Variants in XKR4 observed in about 807,000 individuals in gnomAD.
XKR4 encodes the protein XK related 4.
XKR4 carries 12 observed loss-of-function variants against 53.9 expected under a neutral mutation model. The observed-to-expected ratio is 0.22, with a 90% CI of 0.14 to 0.36. The LOEUF (loss-of-function observed/expected upper bound fraction) is 0.36, where lower values mean the gene tolerates loss of function less well. XKR4 is among the 10% of genes least tolerant of loss of function. XKR4 has a pLI of 1.00. For missense variants in XKR4, 799 were observed against 859.5 expected, an observed-to-expected ratio of 0.93 and a Z score of 0.88; for synonymous variants, 354 against 362.4, an observed-to-expected ratio of 0.98 and a Z score of 0.26.
At chr8:55,131,798 T>G (rs1235232574) in intron 1 of XKR4, among the ~76,000 whole-genome samples, 1 of 151,636 alleles carries the variant, frequency 6.6e-6, no homozygotes, top group South Asian at 2.1e-4. Flanking sequence ...CAGGCTGGAG[T>G]GCAGTGGTAT....
At chr8:55,182,881 A>G (rs560195242) in intron 1 of XKR4, among the ~76,000 whole-genome samples, 1 of 147,916 alleles carries the variant, frequency 6.8e-6, no homozygotes, top group Non-Finnish European at 1.5e-5. Flanking sequence ...TTTGGGAAAA[A>G]TTGAGGTCCT....
chr8:55,295,498 A>G (rs116732667), intron 1 of XKR4, among the ~76,000 whole-genome samples: 3 of 152,352 alleles, frequency 2.0e-5, no homozygotes, highest in African/African-American at 7.2e-5. Context: ...AGGGACAAAG[A>G]AATAACAACA....
intron 2 of XKR4, among the ~76,000 whole-genome samples, chr8:55,366,147 TCTC>T (rs1803982412): frequency 6.6e-6 from 1 of 152,016 alleles, no homozygotes; most frequent in Non-Finnish European, 1.5e-5. Flanking sequence ...GAAAGTCTCT[TCTC>T]CTCTCCTCCT....
At chr8:55,119,634 AT>A (rs1375879949) in intron 1 of XKR4, among the ~76,000 whole-genome samples, 1 of 152,226 alleles carries the variant, frequency 6.6e-6, no homozygotes, top group African/African-American at 2.4e-5. Context: ...ACACTCAGAC[AT>A]GTATTTTCAA....
chr8:55,240,211 A>T (rs1585960415), intron 1 of XKR4, among the ~76,000 whole-genome samples: 1 of 152,198 alleles, frequency 6.6e-6, no homozygotes, highest in East Asian at 1.9e-4. Flanking sequence ...AGCCAATTAG[A>T]ATACATTTAT....
At chr8:55,353,217 T>C (rs1803750491) in intron 1 of XKR4, among the ~76,000 whole-genome samples, 1 of 152,224 alleles carries the variant, frequency 6.6e-6, no homozygotes, top group Admixed American at 6.5e-5. Flanking sequence ...CCTAACCTCA[T>C]ACCTGTGAAT....
Position 55,430,800 on chromosome 8 carries a change from T to C in XKR4, c.1006+72923T>C, listed in dbSNP as rs537301276. 3.9e-5 allele frequency among the ~76,000 whole-genome samples: 6 copies of C among 152,326 alleles called. No homozygotes were observed. In the South Asian group the frequency reaches 1.2e-3, roughly 32 times the overall value. On this transcript the variant is annotated intron_variant, in intron 2 of 2. Transcript: ENST00000327381. ...TGGCTTGTAGCTGCCTGTCTTCTGG[T>C]GTCTTCACATGTCTTCATTCTGTAT... is the stretch of plus-strand genomic sequence containing the variant.
At chr8:55,366,407 C>A (rs1168710347) in intron 2 of XKR4, among the ~76,000 whole-genome samples, 4 of 152,208 alleles carry the variant, frequency 2.6e-5, no homozygotes, top group Admixed American at 6.5e-5. Context: ...GAGACAAAAG[C>A]AGGCGCTCTA....
intron 2 of XKR4, among the ~76,000 whole-genome samples, chr8:55,441,167 G>A (rs989922557): frequency 6.6e-6 from 1 of 152,128 alleles, no homozygotes; most frequent in Non-Finnish European, 1.5e-5. Flanking sequence ...TTAAGCTTGG[G>A]AGGTTGAGGA....
At chr8:55,478,014 A>C (rs892411834) in intron 2 of XKR4, among the ~76,000 whole-genome samples, 2 of 152,152 alleles carry the variant, frequency 1.3e-5, no homozygotes, top group Non-Finnish European at 2.9e-5. Flanking sequence ...TCCCCAATCT[A>C]GCAAGGCAGG....
chr8:55,509,049 C>T (rs1010508259), intron 2 of XKR4, among the ~76,000 whole-genome samples: 11 of 152,196 alleles, frequency 7.2e-5, no homozygotes, highest in African/African-American at 2.7e-4. Context: ...ATCTTAGTCA[C>T]AAATACGAAT....
At chr8:55,305,670 A>C (rs546921298) in intron 1 of XKR4, among the ~76,000 whole-genome samples, 52 of 152,294 alleles carry the variant, frequency 3.4e-4, no homozygotes, top group African/African-American at 1.2e-3. Flanking sequence ...TGATTAGCTT[A>C]ACAAACACAG....
chr8:55,260,672 G>T (rs879732564), intron 1 of XKR4, among the ~76,000 whole-genome samples: 1 of 152,190 alleles, frequency 6.6e-6, no homozygotes, highest in Non-Finnish European at 1.5e-5. Context: ...GGTGGTGTCT[G>T]ATTTACACAG....
At chr8:55,321,175 G>A (rs1484018869) in intron 1 of XKR4, among the ~76,000 whole-genome samples, 2 of 151,946 alleles carry the variant, frequency 1.3e-5, no homozygotes, top group African/African-American at 2.4e-5. Flanking sequence ...CTAAACCACT[G>A]ACTATCCCTC....
At chr8:55,249,520 C>A (rs971443093) in intron 1 of XKR4, among the ~76,000 whole-genome samples, 2 of 152,196 alleles carry the variant, frequency 1.3e-5, no homozygotes, top group African/African-American at 4.8e-5. Flanking sequence ...ATCCCTGGGC[C>A]AAGTGCATGG....
chr8:55,156,320 G>A (rs1444378264), intron 1 of XKR4, among the ~76,000 whole-genome samples: 1 of 151,100 alleles, frequency 6.6e-6, no homozygotes, highest in South Asian at 2.1e-4. Flanking sequence ...CAATAATTTT[G>A]AATCCAAATG....
rs527595333 is a variant in XKR4, at chr8:55,353,217, T to TA, written c.807-4460dup. Among the ~76,000 whole-genome samples the TA allele has an allele frequency of 2.0e-5, 3 of 152,342 alleles. No individual in the cohort carries two copies. In the South Asian group the frequency reaches 6.2e-4, roughly 32 times the overall value. On this transcript the variant is annotated intron_variant, in intron 1 of 2. Transcript: ENST00000327381. ...TACAGATACTGAAGTCCTAACCTCA[T>TA]ACCTGTGAATGTGACCTTATTTTGG...
chr8:55,397,118 C>G (rs1804531835), intron 2 of XKR4, among the ~76,000 whole-genome samples: 1 of 152,182 alleles, frequency 6.6e-6, no homozygotes. Flanking sequence ...AAGCAGAAAA[C>G]AAGGCAATAT....
chr8:55,169,373 G>A (rs1363113360), intron 1 of XKR4, among the ~76,000 whole-genome samples: 1 of 152,198 alleles, frequency 6.6e-6, no homozygotes, highest in Non-Finnish European at 1.5e-5. Flanking sequence ...GCCCATCCGT[G>A]GTTTCATCCC....
Sources: gnomAD v4.1 joint callset for allele counts (sites outside exome capture counted in the v4.1 genomes callset) on GRCh38, gnomAD v4.1.1 for gene constraint, MANE v1.5 for transcripts, NCBI Gene and HGNC (gene_info 2026-07-23, HGNC 2026-07-21) for gene names.